Variants in OSBPL5 observed in about 807,000 individuals in gnomAD.
OSBPL5 encodes the protein oxysterol-binding protein-related protein 5.
A neutral mutation model predicts 111.2 loss-of-function variants in OSBPL5; 71 were observed. The ratio of observed to expected loss-of-function variants is 0.64; its 90% CI spans 0.53 to 0.78. The LOEUF (loss-of-function observed/expected upper bound fraction) is 0.78. OSBPL5 is among the 30% of genes least tolerant of loss of function. The pLI is 0.00. For synonymous variants in OSBPL5, 549 were observed against 513.9 expected (o/e 1.07, Z -0.93); for missense variants, 1,210 against 1,189.3 (o/e 1.02, Z -0.26).
intron 1 of OSBPL5, among the ~76,000 whole-genome samples, chr11:3,137,195 A>T (rs1845971843): frequency 6.6e-6 from 1 of 152,152 alleles, no homozygotes; most frequent in South Asian, 2.1e-4. Context: ...ACAGCAACAG[A>T]TGCACTCCCT....
At chr11:3,098,003 G>A (rs1457352794) in intron 14 of OSBPL5, among the ~76,000 whole-genome samples, 2 of 152,134 alleles carry the variant, frequency 1.3e-5, no homozygotes, top group African/African-American at 4.8e-5. Flanking sequence ...AGGTGGTGGA[G>A]GTTGCAGTGA....
At chr11:3,129,386 C>G (rs1298056362) in intron 1 of OSBPL5, 2 of 381,604 alleles carry the variant, frequency 5.2e-6, no homozygotes, top group Admixed American at 9.1e-5. Flanking sequence ...CTTTCCACGC[C>G]GGGCAGTAGG....
At chr11:3,125,035 T>C (rs1858564164) in intron 3 of OSBPL5, among the ~76,000 whole-genome samples, 1 of 152,182 alleles carries the variant, frequency 6.6e-6, no homozygotes, top group Admixed American at 6.5e-5. Flanking sequence ...GCCCCAGCAC[T>C]GCAGAGAGTG....
rs1392350646 is a variant in OSBPL5, at chr11:3,119,756, AC to A, written c.607-126del. On this transcript the variant is annotated intron_variant, in intron 6 of 21. Transcript: ENST00000263650. ...TGGACACCCCCAGGGCCACAGGGCC[AC>A]CAGGTGGGGCCAGGCACCTGGCCAG... 3.6e-5 allele frequency: 32 copies of A among 884,240 alleles called. 1 individual carries two copies. Among genetic ancestry groups the A allele is most frequent in the Middle Eastern group, 6.4e-4 (2 of 3,118 alleles). 54.8% of individuals were successfully genotyped at this position (884,240 alleles called of 1,614,324 possible). A position where few individuals can be genotyped will look rare whatever the true frequency, so the allele number is the denominator to read the frequency against.
rs1857525985 is a variant in OSBPL5 at position 3,103,424 on chromosome 11, C to G, written c.1245-104G>C. 5.6e-6 allele frequency: 6 copies of G among 1,069,806 alleles called. No homozygotes were observed. The South Asian group carries it at 6.1e-5, about 11-fold the overall frequency. The allele number at this position is 1,069,806 out of a possible 1,614,324, so 66.3% of individuals were successfully genotyped here. A position where few individuals can be genotyped will look rare whatever the true frequency, so the allele number is the denominator to read the frequency against. ...ACCATCCCGACCTCCAACCACTCAG[C>G]TGGAAACAGGCCACTTGGCCCAGGC... On this transcript the variant is annotated intron_variant, in intron 10 of 21. Transcript: ENST00000263650.
Position 3,115,041 on chromosome 11 carries a change from C to G in OSBPL5, c.691+4506G>C, listed in dbSNP as rs1285801689. ...CCTCTTAAAAGGAACAAAATAGTAA[C>G]ACTTCCCTTCAACTCATTTTCAGCT... On this transcript the variant is annotated intron_variant, in intron 7 of 21. Coordinates refer to ENST00000263650, the MANE Select transcript of OSBPL5 (RefSeq NM_020896.4). Among the ~76,000 whole-genome samples, 5 of 152,302 alleles carry G rather than the reference C, an allele frequency of 3.3e-5. No individual in the cohort carries two copies. In the East Asian group the frequency reaches 7.7e-4, roughly 24 times the overall value.
Position 3,104,339 on chromosome 11 carries a change from C to T in OSBPL5, c.1098G>A (p.Glu366=), listed in dbSNP as rs1375424465. The T allele has an allele frequency of 6.2e-7, 1 of 1,613,066 alleles. No individual in the cohort carries two copies. The change falls in exon 10 of 22, where the codon GAG becomes GAA. Residue 366 remains glutamate, a synonymous_variant. Transcript: ENST00000263650. The surrounding 1 kb of genome is among the most constrained non-coding windows in gnomAD (Gnocchi z 5.0). ...EASQVETVSE[E]NKSLMWTLLK... ...GCAGGGTCCACATCAGACTCTTGTT[C>T]TCCTCTGACACTGTCTCCACCTGGG...
intron 3 of OSBPL5, among the ~76,000 whole-genome samples, chr11:3,124,022 A>C (rs1858512127): frequency 6.6e-6 from 1 of 152,194 alleles, no homozygotes; most frequent in African/African-American, 2.4e-5. Context: ...AGCCACCAGC[A>C]CGCAGAGGCG....
At chr11:3,138,697 T>C (rs914883023) in intron 1 of OSBPL5, among the ~76,000 whole-genome samples, 3 of 152,188 alleles carry the variant, frequency 2.0e-5, no homozygotes, top group Admixed American at 2.0e-4. Context: ...CAGTGCCCCC[T>C]TGCCTGGCCC....
At chr11:3,155,357 G>C (rs1281752550) in intron 1 of OSBPL5, among the ~76,000 whole-genome samples, 1 of 152,214 alleles carries the variant, frequency 6.6e-6, no homozygotes, top group Admixed American at 6.5e-5. Flanking sequence ...GCTCAAATCT[G>C]CCTGGGCCAC....
chr11:3,155,651 TCACTCACCCCAGCTCTGC>T (rs1313122523), intron 1 of OSBPL5, among the ~76,000 whole-genome samples: 2,085 of 146,892 alleles, frequency 0.014, 29 homozygotes, highest in Non-Finnish European at 0.019. Flanking sequence ...GCTCTGCCAC[TCACTCACCCCAGCTCTGC>T]CACTCACCCC....
rs753852855 is a variant in OSBPL5, at chr11:3,088,271, G to A, written c.2574C>T (p.Pro858=). The change falls in exon 22 of 22, where the codon CCC becomes CCT. Residue 858 remains proline (P), a synonymous_variant. Coordinates refer to ENST00000263650, the MANE Select transcript of OSBPL5 (RefSeq NM_020896.4). ...ACACGCAGAGCAGGAACCAGGATCG[G>A]GGGCTCTGCAGGAGGCCTGGGGTCG... ...QAPTPGLLQS[P]RSWFLLCVFL... 6.2e-7 allele frequency: 1 copy of A among 1,609,036 alleles called. No homozygotes were observed. Among genetic ancestry groups the A allele is most frequent in the Non-Finnish European group, 8.5e-7 (1 of 1,177,812 alleles).
intron 3 of OSBPL5, 22 bp from the exon 4 acceptor site, chr11:3,122,450 G>GCGGGACAGGGCACAGGGGC (rs772567126): frequency 1.9e-6 from 3 of 1,610,636 alleles, no homozygotes; most frequent in Admixed American, 1.7e-5. Flanking sequence ...AGGTGGGTAT[G>GCGGGACAGGGCACAGGGGC]CGGGACAGGG....
chr11:3,114,088 T>A (rs1019980996), intron 7 of OSBPL5, among the ~76,000 whole-genome samples: 11 of 152,192 alleles, frequency 7.2e-5, no homozygotes, highest in African/African-American at 9.7e-5. Flanking sequence ...TTAAATAAGA[T>A]ATTTCACTAT....
At chr11:3,135,877 G>A (rs1255256802) in intron 1 of OSBPL5, among the ~76,000 whole-genome samples, 1 of 152,202 alleles carries the variant, frequency 6.6e-6, no homozygotes, top group Non-Finnish European at 1.5e-5. Flanking sequence ...AGTTGCGGAG[G>A]GGACAGAGGC....
In OSBPL5 at chr11:3,104,266, T is replaced by C. The variant is rs754334089; in HGVS notation, c.1171A>G (p.Thr391Ala). Residue 391 changes from threonine to alanine, a missense_variant, in exon 10 of 22, where the codon ACG becomes GCG. Coordinates refer to ENST00000263650, the MANE Select transcript of OSBPL5 (RefSeq NM_020896.4). This position sits in a 1 kb window ranked among gnomAD's most constrained non-coding sequence, Gnocchi z 5.0. ...AAGGAGCGCGGCTCCAGTACGAACG[T>C]GGGTAGCACCACGCGGGACAGGTCC... The part of the protein sequence containing the change: ...GMDLSRVVLP[T>A]FVLEPRSFLN... 1.9e-6 allele frequency: 3 copies of C among 1,613,640 alleles called. 1 individual carries two copies. The South Asian group carries it at 3.3e-5, about 18-fold the overall frequency.
At chr11:3,149,186 C>T (rs1430653963) in intron 1 of OSBPL5, among the ~76,000 whole-genome samples, 1 of 152,098 alleles carries the variant, frequency 6.6e-6, no homozygotes, top group Non-Finnish European at 1.5e-5. Context: ...CAGAATGGCT[C>T]TCCCACTGTC....
intron 1 of OSBPL5, among the ~76,000 whole-genome samples, chr11:3,159,330 C>T (rs192081887): frequency 8.5e-4 from 129 of 152,324 alleles, no homozygotes; most frequent in African/African-American, 3.0e-3. Flanking sequence ...ACCCCGTCCA[C>T]AGCACCCCAG....
rs374194917 is a variant in OSBPL5 at position 3,122,006 on chromosome 11, G to A, written c.393C>T (p.Asp131=). 5.7e-6 allele frequency: 9 copies of A among 1,568,384 alleles called. No individual in the cohort carries two copies. In the African/African-American group the frequency reaches 1.1e-4, roughly 19 times the overall value. ...LTDPSVVIMA[D]SLKIRGTLKS... is the part of the protein sequence containing the mutation. ...GCCGGGCATCACCTACCTTCAGGCT[G>A]TCAGCCATGATGACCACGCTGGGGT... The change falls in exon 5 of 22, where the codon GAC becomes GAT. Residue 131 remains aspartate (D), a synonymous_variant. Transcript: ENST00000263650.
Sources: allele counts gnomAD v4.1 joint callset (sites outside exome capture counted in the v4.1 genomes callset), GRCh38; gene constraint gnomAD v4.1.1; non-coding constraint Gnocchi (gnomAD v3.1); transcripts MANE v1.5; gene names NCBI Gene and HGNC (gene_info 2026-07-23, HGNC 2026-07-21).